CREBBP: variants seen among roughly 807,000 people sequenced by gnomAD.
The protein encoded by CREBBP is CREB binding lysine acetyltransferase.
Under a neutral mutation model 265.0 loss-of-function variants are expected in CREBBP, and 19 were observed. The ratio of observed to expected loss-of-function variants is 0.07; its 90% CI spans 0.05 to 0.11. CREBBP has a LOEUF of 0.11. Among genes scored for constraint, CREBBP ranks in the 10% least tolerant of loss-of-function variants. The pLI is 1.00. For synonymous variants in CREBBP, 1,457 were observed against 1,223.7 expected (o/e 1.19, Z -3.98); for missense variants, 2,525 against 3,219.0 (o/e 0.78, Z 5.22).
intron 5 of CREBBP, among the ~76,000 whole-genome samples, chr16:3,785,527 C>T (rs926410884): frequency 5.3e-5 from 8 of 152,258 alleles, no homozygotes. Context: ...TGCTCTTCAC[C>T]ACCTGCCACA....
At chr16:3,784,656 GAGA>G (rs1240487846) in intron 5 of CREBBP, 2 of 152,230 alleles carry the variant, frequency 1.3e-5, no homozygotes, top group Non-Finnish European at 2.9e-5. Flanking sequence ...ATGGACTGTG[GAGA>G]AGAACTTAAA....
At position 3,725,578 on chromosome 16, in the gene CREBBP, G is replaced by A; in HGVS notation, c.*2140C>T. ...GCAATCTCCACCGGAGGCCCGGCCT[G>A]TGCTTCCCCTCCTGGGATGGGGTGA... On this transcript the variant is annotated 3_prime_UTR_variant, in exon 31 of 31. Transcript: ENST00000262367. 4.3e-6 allele frequency: 1 copy of A among 233,348 alleles called. No homozygotes were observed. Among genetic ancestry groups the A allele is most frequent in the Non-Finnish European group, 8.5e-6 (1 of 118,070 alleles). The allele number at this position is 233,348 out of a possible 1,614,324, so 14.5% of individuals were successfully genotyped here.
chr16:3,835,592 T>C (rs1465728100), intron 2 of CREBBP, among the ~76,000 whole-genome samples: 1 of 149,486 alleles, frequency 6.7e-6, no homozygotes, highest in Non-Finnish European at 1.5e-5. Flanking sequence ...TTTTTTTTTT[T>C]TTTTTGAGAC....
chr16:3,755,721 A>C (rs2052570699), intron 19 of CREBBP, among the ~76,000 whole-genome samples: 1 of 152,162 alleles, frequency 6.6e-6, no homozygotes, highest in Admixed American at 6.5e-5. Flanking sequence ...GTATCATTTT[A>C]AACTTGGTCA....
chr16:3,878,087 C>A (rs2055440831), intron 1 of CREBBP, among the ~76,000 whole-genome samples: 2 of 152,216 alleles, frequency 1.3e-5, no homozygotes, highest in African/African-American at 4.8e-5. Flanking sequence ...TCTTGTGTTA[C>A]TAATTGTCCC....
intron 2 of CREBBP, among the ~76,000 whole-genome samples, chr16:3,839,226 A>T (rs915143666): frequency 6.6e-6 from 1 of 152,232 alleles, no homozygotes; most frequent in Non-Finnish European, 1.5e-5. Flanking sequence ...CTTATTCCAG[A>T]GCCCACGCCA....
chr16:3,733,933 C>T (rs1187248046), intron 28 of CREBBP, among the ~76,000 whole-genome samples: 2 of 152,206 alleles, frequency 1.3e-5, no homozygotes, highest in African/African-American at 2.4e-5. Context: ...TGAGCCACCA[C>T]GCCCGGCCTG....
rs2054757507 is a variant in CREBBP, at chr16:3,849,435, GTGTGTGTGTGTGTGTGTGTGTGTGT to G, written c.798+837_798+861del. 2.5e-3 allele frequency among the ~76,000 whole-genome samples: 39 copies of G among 15,734 alleles called. 1 individual carries two copies. In the East Asian group the frequency reaches 0.12, roughly 48 times the overall value. The allele number at this position is 15,734 out of a possible 152,430, so 10.3% of individuals were successfully genotyped here. A position where few individuals can be genotyped will look rare whatever the true frequency, so the allele number is the denominator to read the frequency against. ...TGTGTGTGTGTGTGTGTGTGTGTGT[GTGTGTGTGTGTGTGTGTGTGTGTGT>G]GTGTGTGTGTGTGTGTGTGTGTGTG... On this transcript the variant is annotated intron_variant, in intron 2 of 30. Coordinates refer to ENST00000262367, the MANE Select transcript of CREBBP (RefSeq NM_004380.3).
At position 3,728,820 on chromosome 16, in the gene CREBBP, G is replaced by A. The variant is rs2151305375; in HGVS notation, c.6227C>T (p.Ser2076Leu). The A allele has an allele frequency of 1.9e-6, 3 of 1,613,562 alleles. No individual in the cohort carries two copies. Among genetic ancestry groups the A allele is most frequent in the Non-Finnish European group, 1.7e-6 (2 of 1,179,998 alleles). The part of the protein sequence containing the change: ...ALQDLLRTLK[S>L]PSSPQQQQQV... ...CTGTTGCTGCTGAGGGGAGCTGGGCGACTTCAGGGTCCGCAGCAGGTCTTG... is the reference window on the plus strand; with the variant it reads ...CTGTTGCTGCTGAGGGGAGCTGGGCAACTTCAGGGTCCGCAGCAGGTCTTG... Residue 2076 changes from serine (S) to leucine (L), a missense_variant, in exon 31 of 31, where the codon TCG (serine) becomes TTG (leucine). This residue lies in a region of CREBBP where 275 missense variants were observed against 276.5 expected (regional missense o/e 0.99). Transcript: ENST00000262367. This position sits in a 1 kb window ranked among gnomAD's most constrained non-coding sequence, Gnocchi z 8.7.
At chr16:3,733,832 G>A (rs1401144228) in intron 28 of CREBBP, among the ~76,000 whole-genome samples, 1 of 151,990 alleles carries the variant, frequency 6.6e-6, no homozygotes, top group African/African-American at 2.4e-5. Flanking sequence ...AGTAGAGACG[G>A]GGTTTCACCA....
At chr16:3,744,687 T>A (rs1287021566) in intron 23 of CREBBP, among the ~76,000 whole-genome samples, 1 of 152,154 alleles carries the variant, frequency 6.6e-6, no homozygotes, top group Non-Finnish European at 1.5e-5. Flanking sequence ...CTGAAGAACA[T>A]TCTTGCATTC....
rs1321005458 is a variant in CREBBP, at chr16:3,731,232, T to C, written c.5132A>G (p.Lys1711Arg). The change falls in exon 30 of 31, where the codon AAG becomes AGG. Residue 1711 changes from lysine to arginine, a missense_variant. Lys to Arg is a conservative substitution (Grantham distance 26, BLOSUM62 2). Transcript: ENST00000262367. The surrounding 1 kb of genome is among the most constrained non-coding windows in gnomAD (Gnocchi z 7.7). ...GTGCCAGCGCGTCTCCACGTGGTGC[T>C]TGCACTCGTTGCAGGTGTAGACAAA... ...DRFVYTCNEC[K>R]HHVETRWHCT... 6.2e-7 allele frequency: 1 copy of C among 1,613,970 alleles called. No individual in the cohort carries two copies. The highest frequency in any genetic ancestry group is 1.3e-5 in the African/African-American group (1 of 74,936).
At chr16:3,796,479 T>C (rs543474835) in intron 3 of CREBBP, among the ~76,000 whole-genome samples, 1 of 151,846 alleles carries the variant, frequency 6.6e-6, no homozygotes, top group East Asian at 1.9e-4. Context: ...CTCTGCCTCC[T>C]GGGTTCAAGC....
At chr16:3,870,977 C>T (rs988680356) in intron 1 of CREBBP, among the ~76,000 whole-genome samples, 1 of 142,034 alleles carries the variant, frequency 7.0e-6, no homozygotes, top group African/African-American at 2.7e-5. Flanking sequence ...GCAAGCAAGA[C>T]CCCATTGGAA....
intron 2 of CREBBP, among the ~76,000 whole-genome samples, chr16:3,822,210 G>A (rs1335503778): frequency 9.6e-6 from 1 of 104,590 alleles, no homozygotes. Context: ...ATGCAAGGCA[G>A]AGAAGCACCT....
chr16:3,763,992 A>G (rs902017803), intron 16 of CREBBP, among the ~76,000 whole-genome samples: 1 of 151,882 alleles, frequency 6.6e-6, no homozygotes, highest in Non-Finnish European at 1.5e-5. Context: ...CTACAGGCGC[A>G]TGCTGCCACA....
intron 1 of CREBBP, among the ~76,000 whole-genome samples, chr16:3,872,893 T>C (rs1470602879): frequency 6.6e-6 from 1 of 152,166 alleles, no homozygotes; most frequent in Non-Finnish European, 1.5e-5. Context: ...TCCTCAACCA[T>C]CCCAGGGCCT....
At chr16:3,782,309 A>G (rs1035255185) in intron 6 of CREBBP, among the ~76,000 whole-genome samples, 1 of 152,180 alleles carries the variant, frequency 6.6e-6, no homozygotes, top group African/African-American at 2.4e-5. Flanking sequence ...ACCCTAACCA[A>G]GATGTGTGAG....
intron 11 of CREBBP, among the ~76,000 whole-genome samples, chr16:3,776,469 A>G (rs2053140206): frequency 6.6e-6 from 1 of 151,988 alleles, no homozygotes; most frequent in Non-Finnish European, 1.5e-5. Flanking sequence ...TGACACCCCA[A>G]CCTGGCACAG....
Sources: gnomAD v4.1 joint callset for allele counts (sites outside exome capture counted in the v4.1 genomes callset) on GRCh38, gnomAD v4.1.1 for gene constraint, gnomAD v4.1.1 regional missense constraint, Gnocchi (gnomAD v3.1) non-coding constraint, MANE v1.5 for transcripts, NCBI Gene and HGNC (gene_info 2026-07-23, HGNC 2026-07-21) for gene names.